Variants in RARB observed in about 807,000 individuals in gnomAD.
RARB encodes retinoic acid receptor beta, also known as HBV-activated protein.
In RARB, 17 loss-of-function variants were observed where a neutral mutation model predicts 51.9. The observed-to-expected ratio is 0.33, with a 90% CI of 0.22 to 0.49. RARB has a LOEUF of 0.49. Among genes scored for constraint, RARB ranks in the 20% least tolerant of loss-of-function variants. The probability of loss-of-function intolerance (pLI) is 0.99; values close to 1 mark genes in which losing one functional copy is unlikely to be tolerated. For missense variants in RARB, 369 were observed against 550.8 expected (o/e 0.67, Z 3.30); for synonymous variants, 215 against 195.4 (o/e 1.10, Z -0.84).
intron 5 of RARB, among the ~76,000 whole-genome samples, chr3:25,311,637 G>T (rs926419518): frequency 6.6e-6 from 1 of 152,240 alleles, no homozygotes; most frequent in Non-Finnish European, 1.5e-5. Context: ...AGGAAGCAGG[G>T]TGAGGTTTAT....
chr3:25,306,334 G>A (rs867471342), intron 5 of RARB, among the ~76,000 whole-genome samples: 3 of 152,114 alleles, frequency 2.0e-5, no homozygotes, highest in African/African-American at 4.8e-5. Context: ...GGTTCAATCC[G>A]ATAATGTGAA....
At chr3:24,925,212 T>C (rs2125389665) in intron 2 of RARB, among the ~76,000 whole-genome samples, 1 of 152,254 alleles carries the variant, frequency 6.6e-6, no homozygotes, top group South Asian at 2.1e-4. Flanking sequence ...GAATATGTCA[T>C]TTTCCCTTTT....
At chr3:25,151,650 C>T (rs1048861853) in intron 4 of RARB, among the ~76,000 whole-genome samples, 4 of 152,216 alleles carry the variant, frequency 2.6e-5, no homozygotes, top group Admixed American at 2.0e-4. Context: ...TAATAAGATA[C>T]TACAGATGTG....
chr3:24,970,362 T>C (rs371899476), intron 2 of RARB, among the ~76,000 whole-genome samples: 1 of 151,992 alleles, frequency 6.6e-6, no homozygotes, highest in East Asian at 1.9e-4. Flanking sequence ...TGGAATGTGG[T>C]GCCATCCATA....
chr3:25,574,920 G>A (rs772046779), intron 4 of RARB, among the ~76,000 whole-genome samples: 3 of 152,100 alleles, frequency 2.0e-5, no homozygotes, highest in African/African-American at 7.2e-5. Context: ...TGGGGGCCAC[G>A]AAACCCGAGT....
At chr3:25,041,580 G>A (rs1698115673) in intron 2 of RARB, among the ~76,000 whole-genome samples, 1 of 151,084 alleles carries the variant, frequency 6.6e-6, no homozygotes, top group Non-Finnish European at 1.5e-5. Flanking sequence ...ACAATACATG[G>A]ATCAAAATTG....
chr3:25,068,150 AAAAAAAAAAAAAAAAAAAAAAAAAAAT>A (rs1698700187), intron 3 of RARB, among the ~76,000 whole-genome samples: 1 of 135,284 alleles, frequency 7.4e-6, no homozygotes, highest in African/African-American at 3.0e-5. Flanking sequence ...AAAAAAAAAA[AAAAAAAAAAAAAAAAAAAAAAAAAAAT>A]CTTAAGGATT....
chr3:24,900,412 A>C (rs544080170), intron 2 of RARB, among the ~76,000 whole-genome samples: 1 of 152,234 alleles, frequency 6.6e-6, no homozygotes, highest in Non-Finnish European at 1.5e-5. Context: ...CCATTTTACA[A>C]TCGATTCTCT....
chr3:24,854,585 C>G (rs1168899228), intron 1 of RARB, among the ~76,000 whole-genome samples: 1 of 152,124 alleles, frequency 6.6e-6, no homozygotes, highest in South Asian at 2.1e-4. Flanking sequence ...ATCAGAAACT[C>G]TGGAGGTGCA....
At chr3:25,144,800 T>C (rs1440325431) in intron 4 of RARB, among the ~76,000 whole-genome samples, 3 of 152,230 alleles carry the variant, frequency 2.0e-5, no homozygotes, top group Non-Finnish European at 2.9e-5. Flanking sequence ...TCAGCCCGTA[T>C]ACCTCGAGGC....
chr3:25,169,778 A>G (rs1323308888), intron 4 of RARB, among the ~76,000 whole-genome samples: 2 of 152,074 alleles, frequency 1.3e-5, no homozygotes, highest in Admixed American at 6.5e-5. Flanking sequence ...ACTTGAGTCC[A>G]GGAGTTCGAG....
intron 4 of RARB, among the ~76,000 whole-genome samples, chr3:25,135,775 TAGTC>T (rs1256652373): frequency 6.6e-6 from 1 of 151,888 alleles, no homozygotes; most frequent in East Asian, 1.9e-4. Flanking sequence ...ACAGAAAAAG[TAGTC>T]AGTAGAACTA....
At chr3:25,086,225 C>T (rs1347208791) in intron 3 of RARB, among the ~76,000 whole-genome samples, 1 of 152,168 alleles carries the variant, frequency 6.6e-6, no homozygotes, top group East Asian at 1.9e-4. Context: ...GCCCATCCCT[C>T]ATCCAGTTCC....
intron 2 of RARB, among the ~76,000 whole-genome samples, chr3:25,470,585 C>T (rs1291235162): frequency 6.6e-6 from 1 of 152,118 alleles, no homozygotes; most frequent in Non-Finnish European, 1.5e-5. Flanking sequence ...ATAAAATTGC[C>T]TATATAGAGT....
intron 5 of RARB, among the ~76,000 whole-genome samples, chr3:25,248,383 T>G (rs990265317): frequency 3.9e-5 from 6 of 152,214 alleles, no homozygotes; most frequent in Admixed American, 1.3e-4. Context: ...ATTATTGATA[T>G]GGGAGGGCTT....
At chr3:24,892,456 G>C (rs1703404235) in intron 2 of RARB, among the ~76,000 whole-genome samples, 1 of 152,114 alleles carries the variant, frequency 6.6e-6, no homozygotes. Flanking sequence ...GCCAGATTAA[G>C]ACAAAATAAA....
chr3:25,382,149 T>C (rs1386110201), intron 5 of RARB, among the ~76,000 whole-genome samples: 1 of 152,146 alleles, frequency 6.6e-6, no homozygotes, highest in Non-Finnish European at 1.5e-5. Context: ...AAGCATATAA[T>C]AGGTGAAGAC....
At chr3:25,431,619 G>A (rs891093055) in intron 1 of RARB, among the ~76,000 whole-genome samples, 1 of 152,122 alleles carries the variant, frequency 6.6e-6, no homozygotes, top group African/African-American at 2.4e-5. Context: ...AGTGGGTATA[G>A]GATAAATCTT....
chr3:25,516,621 A>G (rs1698173978), intron 3 of RARB, among the ~76,000 whole-genome samples: 1 of 126,074 alleles, frequency 7.9e-6, no homozygotes, highest in Non-Finnish European at 1.6e-5. Context: ...GTTCATCTTT[A>G]TTTCCTTGTC....
Sources: gnomAD v4.1 joint callset for allele counts (sites outside exome capture counted in the v4.1 genomes callset) on GRCh38, gnomAD v4.1.1 for gene constraint, MANE v1.5 for transcripts, NCBI Gene and HGNC (gene_info 2026-07-23, HGNC 2026-07-21) for gene names.